The following C13orf42 variants were observed in gnomAD, a reference collection of about 807,000 sequenced individuals.
The protein encoded by C13orf42 is uncharacterized protein C13orf42.
chr13:51,097,806 A>G (rs1167001475), intron 1 of C13orf42, among the ~76,000 whole-genome samples: 1 of 151,786 alleles, frequency 6.6e-6, no homozygotes, highest in African/African-American at 2.4e-5. Flanking sequence ...AATGTAATGC[A>G]GGCTGTTTCC....
At chr13:51,119,999 T>A (rs1367353590) in intron 1 of C13orf42, among the ~76,000 whole-genome samples, 1 of 152,008 alleles carries the variant, frequency 6.6e-6, no homozygotes, top group African/African-American at 2.4e-5. Context: ...AAAGAAAGCA[T>A]CCCAGAGGAT....
At chr13:51,141,878 ATCTT>A (rs1206242178) in intron 1 of C13orf42, among the ~76,000 whole-genome samples, 1 of 152,336 alleles carries the variant, frequency 6.6e-6, no homozygotes, top group Non-Finnish European at 1.5e-5. Flanking sequence ...CTTAAGTAAA[ATCTT>A]TAATAAATAA....
intron 1 of C13orf42, among the ~76,000 whole-genome samples, chr13:51,096,749 T>C (rs758700875): frequency 2.3e-4 from 35 of 152,228 alleles, no homozygotes. Flanking sequence ...GCCTTTGACT[T>C]CGTAATTTGT....
chr13:51,168,280 C>T (rs1428252269), intron 1 of C13orf42, among the ~76,000 whole-genome samples: 1 of 152,172 alleles, frequency 6.6e-6, no homozygotes, highest in Non-Finnish European at 1.5e-5. Context: ...TTGCATAAAT[C>T]GGAGGTGCAG....
chr13:51,128,066 A>G (rs1236635421), intron 1 of C13orf42, among the ~76,000 whole-genome samples: 1 of 152,270 alleles, frequency 6.6e-6, no homozygotes, highest in Non-Finnish European at 1.5e-5. Flanking sequence ...CACTCCCATC[A>G]GCACCATGAG....
At chr13:51,172,083 C>T (rs1000666167) in intron 1 of C13orf42, 6 of 152,224 alleles carry the variant, frequency 3.9e-5, no homozygotes, top group Admixed American at 6.5e-5. Context: ...AACTTCCAAA[C>T]GCCTGAACCG....
At chr13:51,118,168 T>C (rs1465533751) in intron 1 of C13orf42, among the ~76,000 whole-genome samples, 3 of 152,170 alleles carry the variant, frequency 2.0e-5, no homozygotes, top group African/African-American at 4.8e-5. Context: ...CAATCTCTGA[T>C]AGATGGCTCA....
intron 1 of C13orf42, among the ~76,000 whole-genome samples, chr13:51,122,859 C>T (rs778082843): frequency 6.6e-6 from 1 of 152,158 alleles, no homozygotes; most frequent in Non-Finnish European, 1.5e-5. Context: ...TTTTAAAACA[C>T]CCACTGTTAT....
At chr13:51,111,342 C>T (rs1953431252), upstream of C13orf42, 1 of 396,996 alleles carries the variant, frequency 2.5e-6, no homozygotes, top group Non-Finnish European at 4.4e-6. Context: ...CTCTAGGATC[C>T]CAGGGAGCAC....
intron 1 of C13orf42, among the ~76,000 whole-genome samples, chr13:51,166,007 C>T (rs1396141967): frequency 6.6e-6 from 1 of 152,102 alleles, no homozygotes; most frequent in African/African-American, 2.4e-5. Context: ...CATAGTCATC[C>T]CATGAGACAG....
chr13:51,162,937 C>A (rs1248245140), intron 1 of C13orf42, among the ~76,000 whole-genome samples: 1 of 152,246 alleles, frequency 6.6e-6, no homozygotes, highest in Non-Finnish European at 1.5e-5. Flanking sequence ...CTGCTTTGCA[C>A]TTGGCTTTGT....
chr13:51,128,541 C>T (rs1442428401), intron 1 of C13orf42, among the ~76,000 whole-genome samples: 1 of 152,088 alleles, frequency 6.6e-6, no homozygotes, highest in Non-Finnish European at 1.5e-5. Flanking sequence ...GCTAAAGGCC[C>T]CACTCAATAA....
intron 1 of C13orf42, among the ~76,000 whole-genome samples, chr13:51,132,452 G>C (rs1953625041): frequency 6.6e-6 from 1 of 151,872 alleles, no homozygotes; most frequent in Non-Finnish European, 1.5e-5. Context: ...AAAAAAGCAG[G>C]ATAAGCTTAC....
intron 1 of C13orf42, among the ~76,000 whole-genome samples, chr13:51,116,911 G>A (rs1223705046): frequency 6.6e-6 from 1 of 152,236 alleles, no homozygotes; most frequent in Non-Finnish European, 1.5e-5. Flanking sequence ...TGGATGCTCA[G>A]GGCATCCAAC....
chr13:51,115,432 C>G (rs944490768), upstream of C13orf42, among the ~76,000 whole-genome samples: 1 of 152,194 alleles, frequency 6.6e-6, no homozygotes, highest in Non-Finnish European at 1.5e-5. Context: ...TTCCTCCCTA[C>G]AGTTGGGGAC....
chr13:51,126,395 A>G (rs948651193), intron 1 of C13orf42, among the ~76,000 whole-genome samples: 1 of 152,206 alleles, frequency 6.6e-6, no homozygotes, highest in Non-Finnish European at 1.5e-5. Context: ...AAAATTAGTT[A>G]CATTCAGGCA....
At chr13:51,106,490 G>A (rs1173754766) in intron 1 of C13orf42, among the ~76,000 whole-genome samples, 4 of 152,194 alleles carry the variant, frequency 2.6e-5, no homozygotes, top group African/African-American at 4.8e-5. Flanking sequence ...GTTCTGGCAC[G>A]ATACAGATTG....
intron 1 of C13orf42, among the ~76,000 whole-genome samples, chr13:51,165,843 T>C (rs1566143998): frequency 6.6e-6 from 1 of 152,218 alleles, no homozygotes; most frequent in Non-Finnish European, 1.5e-5. Flanking sequence ...TTCTGGAAAA[T>C]GAGATATAAA....
chr13:51,146,692 T>C (rs1459755667), intron 1 of C13orf42, among the ~76,000 whole-genome samples: 1 of 152,232 alleles, frequency 6.6e-6, no homozygotes, highest in Non-Finnish European at 1.5e-5. Flanking sequence ...ATGGTTGCAT[T>C]CTTTTCAGTT....
Sources: allele counts gnomAD v4.1 joint callset (sites outside exome capture counted in the v4.1 genomes callset), GRCh38; gene constraint gnomAD v4.1.1; transcripts MANE v1.5; gene names NCBI Gene and HGNC (gene_info 2026-07-23, HGNC 2026-07-21).